The following HDAC4 variants were observed in gnomAD, a reference collection of about 807,000 sequenced individuals.
HDAC4 encodes the protein histone deacetylase 4.
HDAC4 carries 16 observed loss-of-function variants against 135.1 expected under a neutral mutation model. The ratio of observed to expected loss-of-function variants is 0.12; its 90% CI spans 0.08 to 0.18. HDAC4 has a LOEUF of 0.18. HDAC4 is among the 10% of genes least tolerant of loss of function. HDAC4 has a pLI of 1.00. For synonymous variants in HDAC4, 685 were observed against 653.4 expected (o/e 1.05, Z -0.74); for missense variants, 1,143 against 1,511.8 (o/e 0.76, Z 4.05).
At chr2:239,216,247 T>C (rs1186126858) in intron 3 of HDAC4, among the ~76,000 whole-genome samples, 1 of 152,044 alleles carries the variant, frequency 6.6e-6, no homozygotes, top group Non-Finnish European at 1.5e-5. Context: ...TGTACATGTA[T>C]ATGTAGTATT....
intron 12 of HDAC4, among the ~76,000 whole-genome samples, chr2:239,121,512 G>A (rs911479657): frequency 3.0e-4 from 46 of 152,352 alleles, no homozygotes; most frequent in Admixed American, 6.5e-4. Flanking sequence ...GCCCTTCCCC[G>A]GCTGGCTGCG....
chr2:239,209,087 C>T (rs1184429835), intron 3 of HDAC4, among the ~76,000 whole-genome samples: 3 of 152,166 alleles, frequency 2.0e-5, no homozygotes, highest in Non-Finnish European at 4.4e-5. Flanking sequence ...CGCCATGTTG[C>T]TCAGGCTGGT....
chr2:239,087,194 G>A (rs1478875706), intron 19 of HDAC4, among the ~76,000 whole-genome samples: 3 of 152,228 alleles, frequency 2.0e-5, no homozygotes, highest in African/African-American at 4.8e-5. Flanking sequence ...AAGGCCATGC[G>A]CAAAATGACC....
chr2:239,062,469 T>C (rs755610657), intron 24 of HDAC4, among the ~76,000 whole-genome samples: 1 of 152,242 alleles, frequency 6.6e-6, no homozygotes, highest in Non-Finnish European at 1.5e-5. Flanking sequence ...TAAAGAGACC[T>C]TGATAAAACT....
At chr2:239,120,142 C>T (rs968935568) in intron 12 of HDAC4, among the ~76,000 whole-genome samples, 4 of 152,154 alleles carry the variant, frequency 2.6e-5, no homozygotes, top group Admixed American at 2.0e-4. Context: ...CCGGTGGGGC[C>T]CTGAGAAATC....
At chr2:239,123,608 C>A (rs2152838828) in intron 12 of HDAC4, among the ~76,000 whole-genome samples, 1 of 152,354 alleles carries the variant, frequency 6.6e-6, no homozygotes, top group East Asian at 1.9e-4. Flanking sequence ...CAGGGGCCTT[C>A]CCCGACTCAG....
At position 239,049,498 on chromosome 2, in the gene HDAC4, T is replaced by A. The variant is rs2030491135; in HGVS notation, c.*3599A>T. On this transcript the variant is annotated 3_prime_UTR_variant, in exon 27 of 27. Coordinates refer to ENST00000543185, the MANE Select transcript of HDAC4 (RefSeq NM_001378414.1). ...TTATATCTATATATTTATATATGTA[T>A]CAATGCCCATAAAACACGTGGGCCC... is the stretch of plus-strand genomic sequence containing the variant. 1 of 151,940 alleles carries A rather than the reference T, an allele frequency of 6.6e-6. No individual in the cohort carries two copies. The highest frequency in any genetic ancestry group is 1.5e-5 in the Non-Finnish European group (1 of 67,970). The allele number at this position is 151,940 out of a possible 1,614,324, so 9.4% of individuals were successfully genotyped here. A position where few individuals can be genotyped will look rare whatever the true frequency, so the allele number is the denominator to read the frequency against.
rs1456347895 is a variant in HDAC4, at chr2:239,105,891, C to T, written c.2112+2159G>A. On this transcript the variant is annotated intron_variant, in intron 15 of 26. Coordinates refer to ENST00000543185, the MANE Select transcript of HDAC4 (RefSeq NM_001378414.1). ...GAAGTCTGGTGGGTGACGTCACGTC[C>T]CCCTGGGCTGAGTTAGCACACTGCT... Among the ~76,000 whole-genome samples the T allele has an allele frequency of 2.0e-5, 3 of 152,172 alleles. No homozygotes were observed. The East Asian group carries it at 5.8e-4, about 29-fold the overall frequency.
intron 2 of HDAC4, among the ~76,000 whole-genome samples, chr2:239,253,175 T>C (rs2048880776): frequency 6.6e-6 from 1 of 152,256 alleles, no homozygotes; most frequent in Admixed American, 6.5e-5. Flanking sequence ...ATGATAAATC[T>C]TGTACCACTG....
At chr2:239,242,077 A>AGAAGGAAG (rs143185918) in intron 2 of HDAC4, among the ~76,000 whole-genome samples, 6,834 of 149,312 alleles carry the variant, frequency 0.046, 390 homozygotes, top group African/African-American at 0.13. Context: ...AGAAAGAAAG[A>AGAAGGAAG]GAAGGAAGGA....
chr2:239,054,764 C>T lies in HDAC4; in HGVS notation c.3073G>A (p.Val1025Ile). 4 of 1,611,914 alleles carry T rather than the reference C, an allele frequency of 2.5e-6. No homozygotes were observed. The highest frequency in any genetic ancestry group is 3.4e-6 in the Non-Finnish European group (4 of 1,178,008). The change falls in exon 25 of 27, where the codon GTC becomes ATC. Residue 1025 changes from valine (V) to isoleucine (I), a missense_variant. By Grantham distance (29) the Val-to-Ile change is conservative. This residue lies in a region of HDAC4 where 131 missense variants were observed against 130.6 expected (regional missense o/e 1.00). Coordinates refer to ENST00000543185, the MANE Select transcript of HDAC4 (RefSeq NM_001378414.1). ...NANAVRSMEK[V>I]MEIHSKYWRC... The stretch of plus-strand genomic sequence containing the variant: ...GGCAACTTACTGTGGATCTCCATGA[C>T]TTTCTCCATGGAACGGACAGCGTTT...
In HDAC4 at chr2:239,343,716, C is replaced by T. The variant is rs569289832; in HGVS notation, c.22+8962G>A. On this transcript the variant is annotated intron_variant, in intron 2 of 26. Transcript: ENST00000543185. ...CTGCCTGCCCTGGCCAGGGAGCTCA[C>T]ACAAGCAGACAGGCTCAATGCCTCT... Among the ~76,000 whole-genome samples, 6 of 152,324 alleles carry T rather than the reference C, an allele frequency of 3.9e-5. No individual in the cohort carries two copies. The East Asian group carries it at 1.2e-3, about 29-fold the overall frequency.
At chr2:239,276,062 G>A (rs1038041657) in intron 2 of HDAC4, among the ~76,000 whole-genome samples, 7 of 152,140 alleles carry the variant, frequency 4.6e-5, no homozygotes. Context: ...ACTGCCCTGG[G>A]GCCAGGCAAA....
chr2:239,206,294 C>G (rs1331691499), intron 3 of HDAC4, among the ~76,000 whole-genome samples: 1 of 152,102 alleles, frequency 6.6e-6, no homozygotes, highest in Non-Finnish European at 1.5e-5. Flanking sequence ...CACCACTGCA[C>G]TCCAGCCTGG....
At chr2:239,362,935 A>C (rs1305376624) in intron 1 of HDAC4, among the ~76,000 whole-genome samples, 1 of 152,248 alleles carries the variant, frequency 6.6e-6, no homozygotes, top group Non-Finnish European at 1.5e-5. Flanking sequence ...AAAATAACTA[A>C]GTGAATTTTA....
chr2:239,364,916 A>G (rs1429384421), intron 1 of HDAC4, among the ~76,000 whole-genome samples: 2 of 152,274 alleles, frequency 1.3e-5, no homozygotes, highest in Admixed American at 6.5e-5. Flanking sequence ...GAATTCTTTC[A>G]GAACCCACGA....
At chr2:239,297,046 AAAG>A (rs977436231) in intron 2 of HDAC4, among the ~76,000 whole-genome samples, 1 of 148,828 alleles carries the variant, frequency 6.7e-6, no homozygotes, top group African/African-American at 2.5e-5. Context: ...AAAAAAAAAA[AAAG>A]GAATTAAGTC....
chr2:239,269,161 C>T (rs769755095), intron 2 of HDAC4, among the ~76,000 whole-genome samples: 6 of 152,012 alleles, frequency 3.9e-5, no homozygotes, highest in Admixed American at 6.6e-5. Flanking sequence ...CATACATCTA[C>T]ACAATTCACA....
At chr2:239,162,036 G>A (rs995115088) in intron 6 of HDAC4, 5 of 439,586 alleles carry the variant, frequency 1.1e-5, no homozygotes, top group African/African-American at 1.0e-4. Context: ...ACTCCTGGGC[G>A]AGGGGGCGCC....
Sources: allele counts gnomAD v4.1 joint callset (sites outside exome capture counted in the v4.1 genomes callset), GRCh38; gene constraint gnomAD v4.1.1; regional missense constraint gnomAD v4.1.1; transcripts MANE v1.5; gene names NCBI Gene and HGNC (gene_info 2026-07-23, HGNC 2026-07-21).